Variants in RAPGEF6 observed in about 807,000 individuals in gnomAD.
The protein encoded by RAPGEF6 is PDZ domain containing guanine nucleotide exchange factor (GEF) 2.
A neutral mutation model predicts 171.4 loss-of-function variants in RAPGEF6; 56 were observed. The observed-to-expected ratio is 0.33, with a 90% CI of 0.26 to 0.41. RAPGEF6 has a LOEUF of 0.41. RAPGEF6 is among the 10% of genes least tolerant of loss of function. The probability of loss-of-function intolerance (pLI) is 1.00; values close to 1 mark genes in which losing one functional copy is unlikely to be tolerated. For synonymous variants in RAPGEF6, 692 were observed against 650.1 expected (o/e 1.06, Z -0.98); for missense variants, 1,674 against 1,921.4 (o/e 0.87, Z 2.41).
At chr5:131,631,278 T>C (rs765617180) in intron 1 of RAPGEF6, among the ~76,000 whole-genome samples, 1 of 152,262 alleles carries the variant, frequency 6.6e-6, no homozygotes, top group African/African-American at 2.4e-5. Context: ...AAACTTGACA[T>C]GTTCAAAACT....
chr5:131,475,500 TG>T (rs1185569371), intron 16 of RAPGEF6, among the ~76,000 whole-genome samples: 1 of 152,066 alleles, frequency 6.6e-6, no homozygotes, highest in Non-Finnish European at 1.5e-5. Flanking sequence ...TGACAAGAAA[TG>T]GGGAGGAAAA....
At chr5:131,452,980 T>C (rs1753208988) in intron 21 of RAPGEF6, 74 bp downstream of exon 21, 2 of 1,507,608 alleles carry the variant, frequency 1.3e-6, no homozygotes, top group Non-Finnish European at 1.8e-6. Flanking sequence ...ATATGATCAA[T>C]AAATGATAAA....
intron 24 of RAPGEF6, among the ~76,000 whole-genome samples, chr5:131,435,439 C>T (rs1751954714): frequency 6.6e-6 from 1 of 152,238 alleles, no homozygotes. Flanking sequence ...AATCTTGCTT[C>T]ATTGTTTAAA....
At chr5:131,512,124 G>T (rs1439531799) in intron 7 of RAPGEF6, among the ~76,000 whole-genome samples, 1 of 152,134 alleles carries the variant, frequency 6.6e-6, no homozygotes, top group Non-Finnish European at 1.5e-5. Context: ...GAGCAACAAA[G>T]CAACAGAAAC....
intron 19 of RAPGEF6, among the ~76,000 whole-genome samples, chr5:131,459,937 T>C (rs950727174): frequency 6.6e-6 from 1 of 152,150 alleles, no homozygotes; most frequent in Non-Finnish European, 1.5e-5. Flanking sequence ...AAAGTTAAAA[T>C]TATTTTATAA....
intron 7 of RAPGEF6, among the ~76,000 whole-genome samples, chr5:131,515,536 A>G (rs907573171): frequency 9.2e-5 from 14 of 152,224 alleles, no homozygotes; most frequent in African/African-American, 2.9e-4. Context: ...CATGGGATAC[A>G]AATTTAAGAC....
At chr5:131,626,872 C>T (rs775726389) in intron 1 of RAPGEF6, among the ~76,000 whole-genome samples, 1 of 152,014 alleles carries the variant, frequency 6.6e-6, no homozygotes, top group Non-Finnish European at 1.5e-5. Context: ...TTTTAATTCA[C>T]AAAAATGATT....
rs953780050 is a variant in RAPGEF6 at position 131,633,606 on chromosome 5, C to T, written c.69+1356G>A. Reference sequence around the variant, plus strand: ...ATTAGCCGGGCGTGGTGGCGCCTGCCTGTAATCCCAGCTACTCCGGAGGCT... The same window carrying T: ...ATTAGCCGGGCGTGGTGGCGCCTGCTTGTAATCCCAGCTACTCCGGAGGCT... On this transcript the variant is annotated intron_variant, in intron 1 of 27. Transcript: ENST00000509018. 5.9e-5 allele frequency among the ~76,000 whole-genome samples: 9 copies of T among 152,034 alleles called. No homozygotes were observed. In the South Asian group the frequency reaches 1.9e-3, roughly 32 times the overall value.
At chr5:131,468,860 T>G (rs1339200740) in intron 17 of RAPGEF6, among the ~76,000 whole-genome samples, 1 of 152,170 alleles carries the variant, frequency 6.6e-6, no homozygotes, top group African/African-American at 2.4e-5. Context: ...TTGAAAAAAT[T>G]GTTCTGCAAA....
intron 26 of RAPGEF6, among the ~76,000 whole-genome samples, chr5:131,429,548 T>C (rs190300461): frequency 6.6e-6 from 1 of 152,114 alleles, no homozygotes; most frequent in East Asian, 1.9e-4. Flanking sequence ...CCTAAAGATA[T>C]CAGAAACATT....
chr5:131,479,787 C>A, intron 15 of RAPGEF6, 34 bp from the exon 16 acceptor site: 1 of 1,589,394 alleles, frequency 6.3e-7, no homozygotes, highest in Non-Finnish European at 8.5e-7. Flanking sequence ...CATTTTATTT[C>A]TTCTCTTCAG....
At chr5:131,580,324 C>T (rs981593648) in intron 4 of RAPGEF6, among the ~76,000 whole-genome samples, 3 of 152,142 alleles carry the variant, frequency 2.0e-5, no homozygotes, top group East Asian at 1.9e-4. Flanking sequence ...CCGGTCACTC[C>T]GAGTGTGGGG....
At chr5:131,472,273 A>C (rs538202110) in intron 17 of RAPGEF6, 6 of 354,442 alleles carry the variant, frequency 1.7e-5, no homozygotes, top group Non-Finnish European at 2.2e-5. Context: ...GTGTTTCACC[A>C]TGTTAGCCAG....
chr5:131,474,965 A>G (rs988353704), intron 16 of RAPGEF6, among the ~76,000 whole-genome samples: 8 of 152,238 alleles, frequency 5.3e-5, no homozygotes, highest in African/African-American at 1.9e-4. Flanking sequence ...AAAGGGAATT[A>G]ACTGCATCAA....
intron 1 of RAPGEF6, among the ~76,000 whole-genome samples, chr5:131,619,125 C>T (rs1245881398): frequency 6.6e-6 from 1 of 151,890 alleles, no homozygotes; most frequent in Admixed American, 6.6e-5. Flanking sequence ...TTGACTAGAC[C>T]CTGGATTGAA....
rs201849872 is a variant in RAPGEF6, at chr5:131,526,454, G to A, written c.496-4933C>T. 1.2e-4 allele frequency among the ~76,000 whole-genome samples: 18 copies of A among 152,230 alleles called. No individual in the cohort carries two copies. In the East Asian group the frequency reaches 3.5e-3, roughly 29 times the overall value. ...ACATGGCTAGGAAACTGGGGTCCTG[G>A]GATCTGAAACCCAGGCAGCCTGACT... is the stretch of plus-strand genomic sequence containing the variant. On this transcript the variant is annotated intron_variant, in intron 6 of 27. Transcript: ENST00000509018.
chr5:131,457,879 T>C (rs1389967277), intron 19 of RAPGEF6, among the ~76,000 whole-genome samples: 1 of 152,176 alleles, frequency 6.6e-6, no homozygotes, highest in African/African-American at 2.4e-5. Context: ...GAATGAGAGA[T>C]GTAAAGTTAT....
chr5:131,540,239 T>C (rs575474348), intron 6 of RAPGEF6, among the ~76,000 whole-genome samples: 2 of 152,074 alleles, frequency 1.3e-5, no homozygotes, highest in Non-Finnish European at 2.9e-5. Context: ...AACAAACATA[T>C]AACCAACACT....
chr5:131,544,691 A>T lies in RAPGEF6; in HGVS notation c.495+3356T>A, dbSNP rs564807722. The stretch of plus-strand genomic sequence containing the variant: ...AAAATCAAAATTTCATTTAAAAAAA[A>T]TTTTTTTTTGAGACGGAGTCTCACT... On this transcript the variant is annotated intron_variant, in intron 6 of 27. Transcript: ENST00000509018. Among the ~76,000 whole-genome samples, 488 of 151,904 alleles carry T rather than the reference A, an allele frequency of 3.2e-3. 6 individuals carry two copies. Among genetic ancestry groups the T allele is most frequent in the African/African-American group, 0.011 (474 of 41,448 alleles).
Sources: gnomAD v4.1 joint callset for allele counts (sites outside exome capture counted in the v4.1 genomes callset) on GRCh38, gnomAD v4.1.1 for gene constraint, MANE v1.5 for transcripts, NCBI Gene and HGNC (gene_info 2026-07-23, HGNC 2026-07-21) for gene names.